TBCE: variants seen among roughly 807,000 people sequenced by gnomAD.
The protein encoded by TBCE is tubulin folding cofactor E.
In TBCE, 53 loss-of-function variants were observed where a neutral mutation model predicts 77.0. The ratio of observed to expected loss-of-function variants is 0.69; its 90% CI spans 0.55 to 0.87. The LOEUF (loss-of-function observed/expected upper bound fraction) is 0.87. TBCE is among the 40% of genes least tolerant of loss of function. The probability of loss-of-function intolerance (pLI) is 0.00; values close to 1 mark genes in which losing one functional copy is unlikely to be tolerated. For missense variants in TBCE, 624 were observed against 622.4 expected, an observed-to-expected ratio of 1.00 and a Z score of -0.03; for synonymous variants, 235 against 241.3, an observed-to-expected ratio of 0.97 and a Z score of 0.24.
chr1:235,424,141 C>T (rs889850750), intron 5 of TBCE, among the ~76,000 whole-genome samples: 1 of 152,040 alleles, frequency 6.6e-6, no homozygotes, highest in Non-Finnish European at 1.5e-5. Context: ...GGTGTAACTT[C>T]CCACTTGTTC....
chr1:235,448,603 G>T (rs776916053), intron 16 of TBCE, 67 bp from the exon 17 acceptor site: 8 of 1,435,640 alleles, frequency 5.6e-6, no homozygotes, highest in Non-Finnish European at 7.9e-6. Flanking sequence ...TGGGGGAAGA[G>T]TATGTGTAGC....
intron 16 of TBCE, 46 bp from the exon 17 acceptor site, chr1:235,448,624 G>A (rs1421830109): frequency 7.8e-6 from 12 of 1,529,342 alleles, no homozygotes; most frequent in South Asian, 2.2e-5. Flanking sequence ...ATGCTTTATC[G>A]GATCTGTCTT....
intron 2 of TBCE, among the ~76,000 whole-genome samples, chr1:235,389,673 T>G (rs1678261146): frequency 6.6e-6 from 1 of 152,118 alleles, no homozygotes; most frequent in South Asian, 2.1e-4. Context: ...GGTACTAAGA[T>G]GCACAGAAAT....
At position 235,451,457 on chromosome 1, in the gene TBCE, G is replaced by A. The variant is rs1166515341; in HGVS notation, c.*2695G>A. On this transcript the variant is annotated 3_prime_UTR_variant, in exon 17 of 17. Coordinates refer to ENST00000642610, the MANE Select transcript of TBCE (RefSeq NM_003193.5). ...TTAAATAGAGGACTCAGTTTCCAAAGACATGAGATGGTCACAAAAAAAAAA... is the reference window on the plus strand; with the variant it reads ...TTAAATAGAGGACTCAGTTTCCAAAAACATGAGATGGTCACAAAAAAAAAA... 1.8e-5 allele frequency: 2 copies of A among 111,006 alleles called. No homozygotes were observed. Among genetic ancestry groups the A allele is most frequent in the African/African-American group, 3.5e-5 (1 of 28,294 alleles). 6.9% of individuals were successfully genotyped at this position (111,006 alleles called of 1,614,324 possible). A position where few individuals can be genotyped will look rare whatever the true frequency, so the allele number is the denominator to read the frequency against.
chr1:235,451,982 T>TAA lies in TBCE; in HGVS notation c.*3221_*3222insAA, dbSNP rs1364407955. The TAA allele has an allele frequency of 6.6e-6, 1 of 151,910 alleles. No homozygotes were observed. The highest frequency in any genetic ancestry group is 6.6e-5 in the Admixed American group (1 of 15,176). 9.4% of individuals were successfully genotyped at this position (151,910 alleles called of 1,614,324 possible). A position where few individuals can be genotyped will look rare whatever the true frequency, so the allele number is the denominator to read the frequency against. On this transcript the variant is annotated 3_prime_UTR_variant, in exon 17 of 17. Transcript: ENST00000642610. ...TCGGTCAGAAGGGTTGAAGGATCCT[T>TAA]AGACTGCCACACTCAATCAGTGGAT...
At chr1:235,421,716 A>G (rs554224387) in intron 5 of TBCE, among the ~76,000 whole-genome samples, 1 of 152,314 alleles carries the variant, frequency 6.6e-6, no homozygotes, top group South Asian at 2.1e-4. Context: ...TCAAAAAAAA[A>G]GAAAGAAATT....
At position 235,414,541 on chromosome 1, in the gene TBCE, T is replaced by A. The variant is rs1185430377; in HGVS notation, c.294T>A (p.Asp98Glu). Residue 98 changes from aspartate (D) to glutamate (E), a missense_variant, in exon 4 of 17, where the codon GAT becomes GAA. Physicochemically the swap from Asp to Glu is conservative, Grantham distance 45. Transcript: ENST00000642610. ...TGTTAGAAGATGGACCAGAGGAAGATAGAAAAGAGCAAATTGTTACAATTG... is the reference window on the plus strand; with the variant it reads ...TGTTAGAAGATGGACCAGAGGAAGAAAGAAAAGAGCAAATTGTTACAATTG... ...RYVLEDGPEE[D>E]RKEQIVTIGN... 1 of 1,613,882 alleles carries A rather than the reference T, an allele frequency of 6.2e-7. No homozygotes were observed.
intron 2 of TBCE, among the ~76,000 whole-genome samples, chr1:235,397,741 C>T (rs55889430): frequency 0.16 from 24,818 of 152,032 alleles, 2,801 homozygotes; most frequent in African/African-American, 0.32. Flanking sequence ...GTTCAGTCTT[C>T]TGTGCATTTG....
chr1:235,433,168 A>T, intron 7 of TBCE: 1 of 1,354,800 alleles, frequency 7.4e-7, no homozygotes, highest in Non-Finnish European at 9.6e-7. Context: ...TGTTTGCAGG[A>T]TGGGTGAGTC....
At chr1:235,375,186 C>T (rs1353548104) in intron 1 of TBCE, among the ~76,000 whole-genome samples, 1 of 152,120 alleles carries the variant, frequency 6.6e-6, no homozygotes, top group Non-Finnish European at 1.5e-5. Flanking sequence ...TCCCAAAGTG[C>T]TGGGATTACA....
intron 3 of TBCE, among the ~76,000 whole-genome samples, chr1:235,402,956 G>C (rs912865975): frequency 5.9e-5 from 9 of 152,110 alleles, no homozygotes; most frequent in African/African-American, 2.2e-4. Context: ...TTATGGTCCT[G>C]AACAAGACAA....
In TBCE at chr1:235,419,145, T is replaced by C. The variant is rs4659860; in HGVS notation, c.372-328T>C. The C allele has an allele frequency of 0.68, 251,805 of 371,216 alleles. 87,614 individuals carry two copies. Among genetic ancestry groups the C allele is most frequent in the African/African-American group, 0.91 (43,940 of 48,230 alleles). 23.0% of individuals were successfully genotyped at this position (371,216 alleles called of 1,614,324 possible). A position where few individuals can be genotyped will look rare whatever the true frequency, so the allele number is the denominator to read the frequency against. On this transcript the variant is annotated intron_variant, in intron 4 of 16. Coordinates refer to ENST00000642610, the MANE Select transcript of TBCE (RefSeq NM_003193.5). ...TCACCTGAACCTGGGAGGGAGAGGT[T>C]GCAGTGAGTCTAGATTGTGCCACTG...
At chr1:235,439,238 T>C (rs570303359) in intron 13 of TBCE, among the ~76,000 whole-genome samples, 1 of 151,552 alleles carries the variant, frequency 6.6e-6, no homozygotes, top group African/African-American at 2.4e-5. Flanking sequence ...AGGCCTGTAA[T>C]CCCAGCATTT....
chr1:235,436,336 T>C, intron 9 of TBCE, 50 bp from the exon 10 acceptor site: 2 of 1,567,100 alleles, frequency 1.3e-6, no homozygotes, highest in Non-Finnish European at 1.8e-6. Context: ...TGATACCCCA[T>C]AGCATTTTAC....
At chr1:235,384,406 T>C (rs1176125779) in intron 2 of TBCE, among the ~76,000 whole-genome samples, 3 of 146,518 alleles carry the variant, frequency 2.0e-5, no homozygotes, top group African/African-American at 7.6e-5. Flanking sequence ...TGTTCCTCCT[T>C]GTACCTCTGG....
Position 235,430,536 on chromosome 1 carries a change from C to G in TBCE, c.561-169C>G, listed in dbSNP as rs1681027284. On this transcript the variant is annotated intron_variant, in intron 6 of 16. Transcript: ENST00000642610. The stretch of plus-strand genomic sequence containing the variant: ...TTGTAAATGTTAAAAATTAGGTAGT[C>G]TTGATTCACTTGAATCATTAAAAAA... 5.5e-6 allele frequency: 3 copies of G among 546,850 alleles called. No individual in the cohort carries two copies. The East Asian group carries it at 1.0e-4, about 18-fold the overall frequency. 33.9% of individuals were successfully genotyped at this position (546,850 alleles called of 1,614,324 possible).
At chr1:235,419,660 A>T in intron 5 of TBCE, 99 bp downstream of exon 5, 1 of 1,519,392 alleles carries the variant, frequency 6.6e-7, no homozygotes, top group Non-Finnish European at 9.0e-7. Flanking sequence ...AGTCTTGACA[A>T]CTTCCTTCCT....
At chr1:235,389,863 C>G (rs1450616682) in intron 2 of TBCE, among the ~76,000 whole-genome samples, 3 of 152,040 alleles carry the variant, frequency 2.0e-5, no homozygotes, top group African/African-American at 7.2e-5. Context: ...GTGGCTCATG[C>G]CTGTAATCCC....
chr1:235,394,556 A>G (rs1678613003), intron 2 of TBCE, among the ~76,000 whole-genome samples: 1 of 148,506 alleles, frequency 6.7e-6, no homozygotes, highest in Admixed American at 6.9e-5. Flanking sequence ...TTAGCCTCCC[A>G]AGTTGCTGGG....
Sources: allele counts gnomAD v4.1 joint callset (sites outside exome capture counted in the v4.1 genomes callset), GRCh38; gene constraint gnomAD v4.1.1; transcripts MANE v1.5; gene names NCBI Gene and HGNC (gene_info 2026-07-23, HGNC 2026-07-21).